Variants in LPCAT1 observed in about 807,000 individuals in gnomAD.
The protein encoded by LPCAT1 is 1-acylglycerol-3-phosphate O-acyltransferase.
LPCAT1 carries 23 observed loss-of-function variants against 60.9 expected under a neutral mutation model. That is an observed-to-expected ratio of 0.38 (90% CI 0.27 to 0.53). The LOEUF (loss-of-function observed/expected upper bound fraction) is 0.53. Ranked by LOEUF, LPCAT1 falls within the 20% of genes least tolerant of loss-of-function variation. The pLI, the probability that LPCAT1 is intolerant of heterozygous loss-of-function variation, is 0.82. For missense variants in LPCAT1, 622 were observed against 723.6 expected (o/e 0.86, Z 1.61); for synonymous variants, 340 against 301.1 (o/e 1.13, Z -1.34).
intron 1 of LPCAT1, among the ~76,000 whole-genome samples, chr5:1,515,138 C>T (rs985991341): frequency 2.0e-5 from 3 of 151,082 alleles, no homozygotes; most frequent in Non-Finnish European, 1.5e-5. Context: ...CTTCCTACTC[C>T]GAACTGGCCG....
chr5:1,489,652 C>T (rs1053106347), intron 4 of LPCAT1, 94 bp downstream of exon 4: 12 of 947,186 alleles, frequency 1.3e-5, no homozygotes, highest in South Asian at 2.6e-5. Context: ...AATCCAGCCC[C>T]GGAGGAAGGG....
intron 5 of LPCAT1, among the ~76,000 whole-genome samples, chr5:1,485,257 G>A (rs898784464): frequency 1.3e-5 from 2 of 152,180 alleles, no homozygotes; most frequent in African/African-American, 2.4e-5. Context: ...AGCCTGAAAG[G>A]TCAGTGACTT....
rs764774088 is a variant in LPCAT1 at position 1,501,492 on chromosome 5, C to T, written c.247G>A (p.Glu83Lys). The change falls in exon 2 of 14, where the codon GAA (glutamate) becomes AAA (lysine). Residue 83 changes from glutamate to lysine, a missense_variant. Transcript: ENST00000283415. ...CACAGGGCCGGGGGCTGCTCGGGTT[C>T]CTTCTCCGCAGAGCCCAGGGATGCG... ...LVASLGSAEK[E>K]PEQPPALWRK... 1.9e-6 allele frequency: 3 copies of T among 1,613,528 alleles called. No individual in the cohort carries two copies. The African/African-American group carries it at 4.0e-5, about 22-fold the overall frequency.
intron 1 of LPCAT1, among the ~76,000 whole-genome samples, chr5:1,504,902 C>T (rs1198109067): frequency 6.6e-6 from 1 of 152,260 alleles, no homozygotes; most frequent in South Asian, 2.1e-4. Flanking sequence ...CAGCCTGCTT[C>T]AGTCCACCTC....
rs1208576434 is a variant in LPCAT1 at position 1,513,180 on chromosome 5, G to C, written c.135+10530C>G. Among the ~76,000 whole-genome samples, 2 of 152,178 alleles carry C rather than the reference G, an allele frequency of 1.3e-5. 1 individual carries two copies. The highest frequency in any genetic ancestry group is 2.9e-5 in the Non-Finnish European group (2 of 68,022). ...CTCCGGTCCCCAGGCTGGCCTCCGG[G>C]TCCTGCCCACATGCTCTCCCAGACA... On this transcript the variant is annotated intron_variant, in intron 1 of 13. Transcript: ENST00000283415.
intron 8 of LPCAT1, among the ~76,000 whole-genome samples, chr5:1,479,266 C>T (rs1490930434): frequency 6.6e-6 from 1 of 152,156 alleles, no homozygotes; most frequent in Non-Finnish European, 1.5e-5. Context: ...GCCTGTGGTC[C>T]AATTACGTGG....
In LPCAT1 at chr5:1,483,578, G is replaced by T; in HGVS notation, c.668-92C>A. The T allele has an allele frequency of 7.3e-7, 1 of 1,370,080 alleles. No individual in the cohort carries two copies. Among genetic ancestry groups the T allele is most frequent in the Non-Finnish European group, 1.0e-6 (1 of 973,226 alleles). 84.9% of individuals were successfully genotyped at this position (1,370,080 alleles called of 1,614,324 possible). Reference sequence around the variant, plus strand: ...CATGCTGCCCTTGGGATAAAAGTGAGCTTTTCTGTCTAGGCCTTCCTGGTC... The same window carrying T: ...CATGCTGCCCTTGGGATAAAAGTGATCTTTTCTGTCTAGGCCTTCCTGGTC... On this transcript the variant is annotated intron_variant, in intron 5 of 13. Coordinates refer to ENST00000283415, the MANE Select transcript of LPCAT1 (RefSeq NM_024830.5). This position sits in a 1 kb window ranked among gnomAD's most constrained non-coding sequence, Gnocchi z 9.2.
intron 1 of LPCAT1, among the ~76,000 whole-genome samples, chr5:1,507,122 AGAG>A (rs1220835757): frequency 6.6e-6 from 1 of 152,260 alleles, no homozygotes; most frequent in South Asian, 2.1e-4. Flanking sequence ...AGGGACTCAG[AGAG>A]GAGAACACGG....
chr5:1,466,929 C>T (rs527556981), intron 12 of LPCAT1, 39 bp from the exon 13 acceptor site: 15 of 1,500,904 alleles, frequency 1.0e-5, no homozygotes, highest in Middle Eastern at 3.7e-4. Context: ...AGCCTCCTCC[C>T]CTGCCCACCA....
intron 1 of LPCAT1, among the ~76,000 whole-genome samples, chr5:1,512,216 G>T (rs1167960656): frequency 6.6e-6 from 1 of 152,212 alleles, no homozygotes; most frequent in Non-Finnish European, 1.5e-5. Context: ...TCGCAGTGGG[G>T]CTATGTGCTG....
intron 12 of LPCAT1, among the ~76,000 whole-genome samples, 151 bp downstream of exon 12, chr5:1,470,672 AAAC>A (rs1734630726): frequency 6.6e-6 from 1 of 152,230 alleles, no homozygotes; most frequent in South Asian, 2.1e-4. Context: ...GGCATTTTAC[AAAC>A]AACAGCTAGC....
At position 1,496,688 on chromosome 5, in the gene LPCAT1, G is replaced by A. The variant is rs1040079781; in HGVS notation, c.279-1774C>T. On this transcript the variant is annotated intron_variant, in intron 2 of 13. Coordinates refer to ENST00000283415, the MANE Select transcript of LPCAT1 (RefSeq NM_024830.5). This position sits in a 1 kb window ranked among gnomAD's most constrained non-coding sequence, Gnocchi z 4.7. ...GCTCAGGGGAACTGTACTGGGTGTC[G>A]GGGCAGGGAAAAAGCAGCCTCAGCT... Among the ~76,000 whole-genome samples the A allele has an allele frequency of 1.3e-5, 2 of 152,170 alleles. No homozygotes were observed. The highest frequency in any genetic ancestry group is 6.5e-5 in the Admixed American group (1 of 15,278).
chr5:1,513,350 G>GT (rs1290622887), intron 1 of LPCAT1, among the ~76,000 whole-genome samples: 3 of 152,210 alleles, frequency 2.0e-5, no homozygotes, highest in Non-Finnish European at 4.4e-5. Context: ...CTAGAGGAGA[G>GT]ATTCCACAAT....
At chr5:1,520,267 T>TA (rs1266075392) in intron 1 of LPCAT1, among the ~76,000 whole-genome samples, 10 of 152,204 alleles carry the variant, frequency 6.6e-5, no homozygotes, top group Admixed American at 6.5e-4. Flanking sequence ...TGAGTTTTTT[T>TA]AAAAAATCAC....
intron 8 of LPCAT1, among the ~76,000 whole-genome samples, chr5:1,479,209 A>C (rs749501623): frequency 1.1e-4 from 16 of 152,334 alleles, no homozygotes; most frequent in Middle Eastern, 3.4e-3. Flanking sequence ...CAGCCTAGGC[A>C]ACAAAGTGAG....
Position 1,463,554 on chromosome 5 carries a change from G to T in LPCAT1, c.*97C>A. On this transcript the variant is annotated 3_prime_UTR_variant, in exon 14 of 14. Coordinates refer to ENST00000283415, the MANE Select transcript of LPCAT1 (RefSeq NM_024830.5). ...TCGGGCTGAAGACAGTGCCTGTACA[G>T]CAGGAGTGAGGAGCGGAGCCCAGAG... is the stretch of plus-strand genomic sequence containing the variant. 1 of 1,335,436 alleles carries T rather than the reference G, an allele frequency of 7.5e-7. No individual in the cohort carries two copies. The highest frequency in any genetic ancestry group is 2.6e-4 in the Middle Eastern group (1 of 3,802). 82.7% of individuals were successfully genotyped at this position (1,335,436 alleles called of 1,614,324 possible).
Position 1,480,888 on chromosome 5 carries a change from C to T in LPCAT1, c.761+54G>A. ...CGTGCACAGCAGACCCCAAGCAGCC[C>T]CTACGTGTTCATGGAACAACAGGAC... On this transcript the variant is annotated intron_variant, in intron 7 of 13. Coordinates refer to ENST00000283415, the MANE Select transcript of LPCAT1 (RefSeq NM_024830.5). This position sits in a 1 kb window ranked among gnomAD's most constrained non-coding sequence, Gnocchi z 6.4. The T allele has an allele frequency of 6.2e-7, 1 of 1,607,688 alleles. No individual in the cohort carries two copies.
At chr5:1,505,651 G>A (rs1477276946) in intron 1 of LPCAT1, among the ~76,000 whole-genome samples, 4 of 152,118 alleles carry the variant, frequency 2.6e-5, no homozygotes, top group Non-Finnish European at 5.9e-5. Flanking sequence ...CGTGACCCTC[G>A]GCTCGCGCAC....
In LPCAT1 at chr5:1,502,260, C is replaced by T. The variant is rs1465678240; in HGVS notation, c.136-657G>A. Among the ~76,000 whole-genome samples the T allele has an allele frequency of 6.6e-6, 1 of 152,048 alleles. No homozygotes were observed. Among genetic ancestry groups the T allele is most frequent in the Admixed American group, 6.6e-5 (1 of 15,266 alleles). On this transcript the variant is annotated intron_variant, in intron 1 of 13. Coordinates refer to ENST00000283415, the MANE Select transcript of LPCAT1 (RefSeq NM_024830.5). The surrounding 1 kb of genome is among the most constrained non-coding windows in gnomAD (Gnocchi z 5.5). ...CGCAGGACGCACCCCCAGGCAGCTCCGCCCCCCAGGACACACCCCCAGCCC... is the reference window on the plus strand; with the variant it reads ...CGCAGGACGCACCCCCAGGCAGCTCTGCCCCCCAGGACACACCCCCAGCCC...
Sources: gnomAD v4.1 joint callset for allele counts (sites outside exome capture counted in the v4.1 genomes callset) on GRCh38, gnomAD v4.1.1 for gene constraint, Gnocchi (gnomAD v3.1) non-coding constraint, MANE v1.5 for transcripts, NCBI Gene and HGNC (gene_info 2026-07-23, HGNC 2026-07-21) for gene names.